The following LARGE1 variants were observed in gnomAD, a reference collection of about 807,000 sequenced individuals.
The protein encoded by LARGE1 is LARGE xylosyl- and glucuronyltransferase 1, also known as xylosyl- and glucuronyltransferase LARGE1.
In LARGE1, 43 loss-of-function variants were observed where a neutral mutation model predicts 87.6. The ratio of observed to expected loss-of-function variants is 0.49; its 90% CI spans 0.38 to 0.63. The LOEUF is 0.63. Among genes scored for constraint, LARGE1 ranks in the 30% least tolerant of loss-of-function variants. The pLI, the probability that LARGE1 is intolerant of heterozygous loss-of-function variation, is 0.00. For synonymous variants in LARGE1, 434 were observed against 394.6 expected, an observed-to-expected ratio of 1.10 and a Z score of -1.18; for missense variants, 802 against 1,000.2, an observed-to-expected ratio of 0.80 and a Z score of 2.67.
intron 2 of LARGE1, among the ~76,000 whole-genome samples, chr22:33,703,771 C>G (rs944258639): frequency 1.1e-4 from 16 of 152,352 alleles, no homozygotes; most frequent in African/African-American, 3.6e-4. Context: ...AACACCCTGA[C>G]TTTAGTCCAG....
intron 3 of LARGE1, among the ~76,000 whole-genome samples, chr22:33,648,888 T>C (rs918446911): frequency 1.3e-5 from 2 of 152,162 alleles, no homozygotes; most frequent in Non-Finnish European, 2.9e-5. Context: ...CACTGCTGTT[T>C]CCCAACACAT....
At chr22:33,179,146 C>A (rs1005723019) in intron 11 of LARGE1, among the ~76,000 whole-genome samples, 4 of 152,168 alleles carry the variant, frequency 2.6e-5, no homozygotes, top group African/African-American at 9.7e-5. Context: ...ATTATCCCAC[C>A]TCCAATCAAC....
At chr22:33,768,598 C>CT (rs1248427338) in intron 1 of LARGE1, among the ~76,000 whole-genome samples, 2 of 152,064 alleles carry the variant, frequency 1.3e-5, no homozygotes, top group Non-Finnish European at 2.9e-5. Flanking sequence ...TTTTGCTTCT[C>CT]AACACCAACA....
intron 11 of LARGE1, among the ~76,000 whole-genome samples, chr22:33,196,144 C>G (rs552024200): frequency 1.4e-5 from 2 of 141,412 alleles, no homozygotes; most frequent in South Asian, 4.5e-4. Context: ...AAAAAAAAAG[C>G]GTAAGGATAA....
At chr22:33,526,784 C>T (rs2071919300) in intron 6 of LARGE1, among the ~76,000 whole-genome samples, 2 of 152,290 alleles carry the variant, frequency 1.3e-5, no homozygotes, top group Admixed American at 6.5e-5. Context: ...TCTCTTTGTA[C>T]ACTAATTAAT....
At chr22:33,157,625 A>G (rs1921912154), downstream of LARGE1, among the ~76,000 whole-genome samples, 1 of 152,174 alleles carries the variant, frequency 6.6e-6, no homozygotes, top group Admixed American at 6.5e-5. Flanking sequence ...CCATACCACT[A>G]TCAACAATGT....
chr22:33,077,309 G>T, the LARGE1 span, among the ~76,000 whole-genome samples: 1 of 152,090 alleles, frequency 6.6e-6, no homozygotes, highest in Non-Finnish European at 1.5e-5. Context: ...CCATTATAAA[G>T]TGAGGAACCT....
chr22:33,665,170 T>C (rs240354), intron 2 of LARGE1, among the ~76,000 whole-genome samples: 78,195 of 152,030 alleles, frequency 0.51, 21,802 homozygotes, highest in Middle Eastern at 0.67. Flanking sequence ...AAACCCCATC[T>C]CTGCCCATCC....
intron 6 of LARGE1, among the ~76,000 whole-genome samples, chr22:33,538,539 G>A (rs1481972315): frequency 6.6e-6 from 1 of 152,152 alleles, no homozygotes; most frequent in African/African-American, 2.4e-5. Flanking sequence ...AAACGAAAAT[G>A]GAGCCACATT....
At chr22:33,392,590 C>A (rs149801049) in intron 7 of LARGE1, among the ~76,000 whole-genome samples, 1 of 152,072 alleles carries the variant, frequency 6.6e-6, no homozygotes, top group Non-Finnish European at 1.5e-5. Context: ...ACCTGGGAGG[C>A]GGATGTTGTG....
chr22:33,544,874 C>G (rs2077311635), intron 6 of LARGE1, among the ~76,000 whole-genome samples: 1 of 151,268 alleles, frequency 6.6e-6, no homozygotes, highest in Admixed American at 6.6e-5. Flanking sequence ...GTCCTTATCC[C>G]TTCAGCCAGG....
chr22:33,420,472 G>A (rs1032994664), intron 7 of LARGE1, among the ~76,000 whole-genome samples: 2 of 152,176 alleles, frequency 1.3e-5, no homozygotes, highest in African/African-American at 2.4e-5. Context: ...GGTGGAAAAC[G>A]GAATAGCATG....
chr22:33,869,973 T>C (rs2064225505), intron 1 of LARGE1, among the ~76,000 whole-genome samples: 2 of 152,224 alleles, frequency 1.3e-5, no homozygotes, highest in Non-Finnish European at 2.9e-5. Context: ...ACCCTAGTTA[T>C]GAGTTGAATT....
intron 2 of LARGE1, among the ~76,000 whole-genome samples, chr22:33,680,180 C>T (rs1305398707): frequency 1.3e-5 from 2 of 152,064 alleles, no homozygotes; most frequent in Non-Finnish European, 2.9e-5. Flanking sequence ...TGATGAAGGG[C>T]CCTAAGTAAT....
In LARGE1 at chr22:33,260,420, G is replaced by C. The variant is rs556630306; in HGVS notation, c.1730+43809C>G. On this transcript the variant is annotated intron_variant, in intron 11 of 11. Transcript: ENST00000608642. ...CTCCCTGGCATGTGCTAGCTGGAAGGCATGGGCTTTGGGGTCTGGCTGACC... is the reference window on the plus strand; with the variant it reads ...CTCCCTGGCATGTGCTAGCTGGAAGCCATGGGCTTTGGGGTCTGGCTGACC... Among the ~76,000 whole-genome samples the C allele has an allele frequency of 3.3e-5, 5 of 152,366 alleles. No homozygotes were observed. In the South Asian group the frequency reaches 1.0e-3, roughly 32 times the overall value.
At chr22:33,522,962 T>G (rs2071686722) in intron 6 of LARGE1, among the ~76,000 whole-genome samples, 1 of 152,078 alleles carries the variant, frequency 6.6e-6, no homozygotes, top group African/African-American at 2.4e-5. Context: ...GAGCCAAGAC[T>G]GCATCACTGT....
chr22:33,831,032 TAG>T (rs2062949111), intron 1 of LARGE1, among the ~76,000 whole-genome samples: 1 of 152,186 alleles, frequency 6.6e-6, no homozygotes, highest in African/African-American at 2.4e-5. Flanking sequence ...CACAGCAATG[TAG>T]ACGACAATGG....
At chr22:33,106,606 C>T in the LARGE1 span, among the ~76,000 whole-genome samples, 1 of 152,112 alleles carries the variant, frequency 6.6e-6, no homozygotes, top group Non-Finnish European at 1.5e-5. Context: ...AGCGATTCTC[C>T]TGCCTCAGCC....
chr22:33,164,094 T>A (rs548612218), exon 12 of LARGE1: 1 of 152,208 alleles, frequency 6.6e-6, no homozygotes. Context: ...AGAGCATGGA[T>A]ATGACCAAAC....
Sources: gnomAD v4.1 joint callset for allele counts (sites outside exome capture counted in the v4.1 genomes callset) on GRCh38, gnomAD v4.1.1 for gene constraint, MANE v1.5 for transcripts, NCBI Gene and HGNC (gene_info 2026-07-23, HGNC 2026-07-21) for gene names.